MZF1: variants seen among roughly 807,000 people sequenced by gnomAD.
MZF1 encodes the protein myeloid zinc finger 1, also known as zinc finger and SCAN domain-containing protein 6.
In MZF1, 24 loss-of-function variants were observed where a neutral mutation model predicts 28.6. The observed-to-expected ratio is 0.84, with a 90% CI of 0.61 to 1.18. The LOEUF (loss-of-function observed/expected upper bound fraction) is 1.18, where lower values mean the gene tolerates loss of function less well. Ranked by LOEUF, MZF1 falls within the 50% of genes most tolerant of loss-of-function variation. MZF1 has a pLI of 0.00. For missense variants in MZF1, 1,166 were observed against 1,026.4 expected (o/e 1.14, Z -1.86); for synonymous variants, 516 against 432.5 (o/e 1.19, Z -2.40).
intron 5 of MZF1, among the ~76,000 whole-genome samples, chr19:58,566,952 G>A (rs2122710678): frequency 6.6e-6 from 1 of 151,336 alleles, no homozygotes; most frequent in East Asian, 1.9e-4. Context: ...GCCCAGACTG[G>A]TGTGCACTGG....
rs745467813 is a variant in MZF1 at position 58,562,199 on chromosome 19, C to G, written c.2078G>C (p.Arg693Pro). ...GCGCAGATGCTGCGTGAGCGTGGGC[C>G]GCTGGCGGAAGGCCTTGCCACACTC... ...CPECGKAFRQRPTLTQHLRTH... is the reference protein window; with the variant it reads ...CPECGKAFRQPPTLTQHLRTH... Residue 693 changes from arginine (R) to proline (P), a missense_variant, in exon 6 of 6, where the codon CGG becomes CCG. Physicochemically the swap from Arg to Pro is moderately radical, Grantham distance 103 (BLOSUM62 -2). Coordinates refer to ENST00000215057, the MANE Select transcript of MZF1 (RefSeq NM_198055.2). The G allele has an allele frequency of 2.2e-5, 35 of 1,607,872 alleles. No homozygotes were observed. The highest frequency in any genetic ancestry group is 1.0e-5 in the Non-Finnish European group (12 of 1,179,092).
chr19:58,562,940 C>A lies in MZF1; in HGVS notation c.1337G>T (p.Gly446Val). The A allele has an allele frequency of 6.3e-7, 1 of 1,597,660 alleles. No homozygotes were observed. Among genetic ancestry groups the A allele is most frequent in the Non-Finnish European group, 8.5e-7 (1 of 1,177,140 alleles). Residue 446 changes from glycine (G) to valine (V), a missense_variant, in exon 6 of 6, where the codon GGC (glycine) becomes GTC (valine). Coordinates refer to ENST00000215057, the MANE Select transcript of MZF1 (RefSeq NM_198055.2). ...ATTGGAGCGCTGCCGGAAGCTCTGGCCGCACTCAGCGCAACGGAAAGGCTG... is the reference window on the plus strand; with the variant it reads ...ATTGGAGCGCTGCCGGAAGCTCTGGACGCACTCAGCGCAACGGAAAGGCTG... The part of the protein sequence containing the change: ...GEQPFRCAEC[G>V]QSFRQRSNLL...
Position 58,569,331 on chromosome 19 carries a change from T to A in MZF1, c.718A>T (p.Arg240Trp), listed in dbSNP as rs984566104. 3.7e-6 allele frequency: 6 copies of A among 1,613,506 alleles called. No homozygotes were observed. Among genetic ancestry groups the A allele is most frequent in the Admixed American group, 3.3e-5 (2 of 59,948 alleles). Reference protein sequence around the residue: ...SKTGPEGPSWREHPRALWHEE... With the variant: ...SKTGPEGPSWWEHPRALWHEE... ...TGCCACAGGGCCCTGGGGTGCTCCC[T>A]CCATGAGGGACCCTCAGGCCCAGTC... The change falls in exon 5 of 6, where the codon AGG becomes TGG. Residue 240 changes from arginine to tryptophan, a missense_variant. Transcript: ENST00000215057.
In MZF1 at chr19:58,573,308, T is replaced by G. The variant is rs2122748347; in HGVS notation, c.-294A>C. 6.5e-6 allele frequency: 1 copy of G among 152,742 alleles called. No homozygotes were observed. The highest frequency in any genetic ancestry group is 1.5e-5 in the Non-Finnish European group (1 of 68,124). The allele number at this position is 152,742 out of a possible 1,614,324, so 9.5% of individuals were successfully genotyped here. A position where few individuals can be genotyped will look rare whatever the true frequency, so the allele number is the denominator to read the frequency against. On this transcript the variant is annotated 5_prime_UTR_variant, in exon 1 of 6. Coordinates refer to ENST00000215057, the MANE Select transcript of MZF1 (RefSeq NM_198055.2). Reference sequence around the variant, plus strand: ...CCGTGCGTCGGCATGCGCAAGCCTCTCAGGTACAACAGACGGCAGCACCGC... The same window carrying G: ...CCGTGCGTCGGCATGCGCAAGCCTCGCAGGTACAACAGACGGCAGCACCGC...
Position 58,562,262 on chromosome 19 carries a change from C to A in MZF1, c.2015G>T (p.Arg672Leu), listed in dbSNP as rs1201926384. Residue 672 changes from arginine to leucine, a missense_variant, in exon 6 of 6, where the codon CGG (arginine) becomes CTG (leucine). Physicochemically the swap from Arg to Leu is moderately radical, Grantham distance 102. Transcript: ENST00000215057. ...GGGCCGTTCACCCGTGTGGATGCGC[C>A]GGTGCTGGGTGAGGTTGGCGTGCTG... ...FRQHANLTQH[R>L]RIHTGERPYA... The A allele has an allele frequency of 6.2e-7, 1 of 1,603,516 alleles. No individual in the cohort carries two copies. The highest frequency in any genetic ancestry group is 8.5e-7 in the Non-Finnish European group (1 of 1,176,646).
chr19:58,569,558 G>A lies in MZF1; in HGVS notation c.609C>T (p.Ala203=), dbSNP rs756924158. Residue 203 remains alanine, a synonymous_variant, in exon 4 of 6, where the codon GCC becomes GCT. Transcript: ENST00000215057. ...SDFLESGPLA[A]TQESVPTLLP... is the part of the protein sequence containing the mutation. ...GGAGGGTGGGTACAGACTCCTGGGTGGCAGCTAGAGGCCCAGACTCCAGGA... is the reference window on the plus strand; with the variant it reads ...GGAGGGTGGGTACAGACTCCTGGGTAGCAGCTAGAGGCCCAGACTCCAGGA... 1.2e-6 allele frequency: 2 copies of A among 1,606,690 alleles called. No individual in the cohort carries two copies. The highest frequency in any genetic ancestry group is 2.7e-5 in the African/African-American group (2 of 74,668).
Position 58,563,105 on chromosome 19 carries a change from C to T in MZF1, c.1172G>A (p.Arg391His). 6.2e-7 allele frequency: 1 copy of T among 1,605,370 alleles called. No homozygotes were observed. Among genetic ancestry groups the T allele is most frequent in the Non-Finnish European group, 8.5e-7 (1 of 1,179,234 alleles). Reference protein sequence around the residue: ...ERPFVCSECGRSFSRSSHLLR... With the variant: ...ERPFVCSECGHSFSRSSHLLR... Reference sequence around the variant, plus strand: ...CAGGTGCGAGCTGCGGCTGAAGCTGCGGCCGCACTCGCTGCACACGAATGG... The same window carrying T: ...CAGGTGCGAGCTGCGGCTGAAGCTGTGGCCGCACTCGCTGCACACGAATGG... Residue 391 changes from arginine (R) to histidine (H), a missense_variant, in exon 6 of 6, where the codon CGC becomes CAC. Arg to His is a conservative substitution (Grantham distance 29). Coordinates refer to ENST00000215057, the MANE Select transcript of MZF1 (RefSeq NM_198055.2).
Position 58,569,307 on chromosome 19 carries a change from G to A in MZF1, c.742C>T (p.His248Tyr). 1 of 1,609,574 alleles carries A rather than the reference G, an allele frequency of 6.2e-7. No individual in the cohort carries two copies. The highest frequency in any genetic ancestry group is 8.5e-7 in the Non-Finnish European group (1 of 1,178,192). Residue 248 changes from histidine to tyrosine, a missense_variant, in exon 5 of 6, where the codon CAT (histidine) becomes TAT (tyrosine). Transcript: ENST00000215057. Reference sequence around the variant, plus strand: ...GAGAAGATGCCCCCAGCTTCCTCATGCCACAGGGCCCTGGGGTGCTCCCTC... The same window carrying A: ...GAGAAGATGCCCCCAGCTTCCTCATACCACAGGGCCCTGGGGTGCTCCCTC... ...SWREHPRALW[H>Y]EEAGGIFSPG...
At chr19:58,564,280 C>G (rs2053996740) in intron 5 of MZF1, 2 of 152,060 alleles carry the variant, frequency 1.3e-5, no homozygotes, top group Admixed American at 6.5e-5. Flanking sequence ...TAGAATACAT[C>G]AAAGGAAATC....
intron 5 of MZF1, among the ~76,000 whole-genome samples, chr19:58,564,902 G>GTT (rs71190056): frequency 0.011 from 445 of 41,980 alleles, 146 homozygotes; most frequent in East Asian, 0.058. Flanking sequence ...CCATGTGTGT[G>GTT]TTTTTTTTTT....
At chr19:58,572,911 C>T in intron 1 of MZF1, 144 bp downstream of exon 1, 1 of 268,824 alleles carries the variant, frequency 3.7e-6, no homozygotes, top group Admixed American at 4.7e-5. Context: ...AAGCCTCTCG[C>T]TCTAGCCCTG....
rs2053935257 is a variant in MZF1 at position 58,562,088 on chromosome 19, A to G, written c.2189T>C (p.Val730Ala). 6.4e-7 allele frequency: 1 copy of G among 1,566,056 alleles called. No individual in the cohort carries two copies. Among genetic ancestry groups the G allele is most frequent in the Non-Finnish European group, 8.6e-7 (1 of 1,157,292 alleles). The change falls in exon 6 of 6, where the codon GTC (valine) becomes GCC (alanine). Residue 730 changes from valine to alanine, a missense_variant. Val to Ala is a moderately conservative substitution (Grantham distance 64). Coordinates refer to ENST00000215057, the MANE Select transcript of MZF1 (RefSeq NM_198055.2). The stretch of plus-strand genomic sequence containing the variant: ...CGGCTGGAGCTACTCGGCGCTGTGG[A>G]CGCGCTGGTGCTGAATGAGCTTGGT... ...QSTKLIQHQRVHSAE is the reference protein window; with the variant it reads ...QSTKLIQHQRAHSAE
In MZF1 at chr19:58,569,325, G is replaced by A; in HGVS notation, c.724C>T (p.His242Tyr). ...TGPEGPSWRE[H>Y]PRALWHEEAG... ...TCCTCATGCCACAGGGCCCTGGGGT[G>A]CTCCCTCCATGAGGGACCCTCAGGC... The change falls in exon 5 of 6, where the codon CAC (histidine) becomes TAC (tyrosine). Residue 242 changes from histidine (H) to tyrosine (Y), a missense_variant. By Grantham distance (83) the His-to-Tyr change is moderately conservative. Coordinates refer to ENST00000215057, the MANE Select transcript of MZF1 (RefSeq NM_198055.2). 6.2e-7 allele frequency: 1 copy of A among 1,613,434 alleles called. No homozygotes were observed. The highest frequency in any genetic ancestry group is 1.1e-5 in the South Asian group (1 of 91,028).
Position 58,562,693 on chromosome 19 carries a change from C to G in MZF1, c.1584G>C (p.Leu528=). The G allele has an allele frequency of 2.6e-6, 4 of 1,537,444 alleles. No individual in the cohort carries two copies. The highest frequency in any genetic ancestry group is 1.7e-6 in the Non-Finnish European group (2 of 1,147,964). ...CGERFGRRSV[L]LQHRRVHSGE... ...CACTGTGCACGCGCCGGTGCTGCAG[C>G]AGCACTGAGCGGCGGCCGAAGCGCT... is the stretch of plus-strand genomic sequence containing the variant. The change falls in exon 6 of 6, where the codon CTG becomes CTC. Residue 528 remains leucine, a synonymous_variant. Transcript: ENST00000215057.
Position 58,563,303 on chromosome 19 carries a change from C to T in MZF1, c.974G>A (p.Gly325Asp), listed in dbSNP as rs140195199. ...GGTGGTGATCAGAGCAGGGCCCACA[C>T]CCCGGCAGGGATCCTCGTCCGTGGG... is the stretch of plus-strand genomic sequence containing the variant. ...QDPTDEDPCR[G>D]VGPALITTRW... The change falls in exon 6 of 6, where the codon GGT becomes GAT. Residue 325 changes from glycine to aspartate, a missense_variant. Transcript: ENST00000215057. 7 of 1,608,258 alleles carry T rather than the reference C, an allele frequency of 4.4e-6. No homozygotes were observed. The highest frequency in any genetic ancestry group is 5.1e-6 in the Non-Finnish European group (6 of 1,177,922).
At chr19:58,569,455 C>A in intron 4 of MZF1, 58 bp from the exon 5 acceptor site, 1 of 1,613,688 alleles carries the variant, frequency 6.2e-7, no homozygotes. Flanking sequence ...GAGGGACCTA[C>A]CTGACCCCAC....
chr19:58,570,292 T>C, intron 3 of MZF1, 52 bp downstream of exon 3: 1 of 1,528,018 alleles, frequency 6.5e-7, no homozygotes, highest in South Asian at 1.2e-5. Context: ...CAGGCCAGGT[T>C]CCCTGGCCCA....
chr19:58,570,905 G>A lies in MZF1; in HGVS notation c.396+89C>T, dbSNP rs979824634. 88 of 1,397,782 alleles carry A rather than the reference G, an allele frequency of 6.3e-5. No homozygotes were observed. In the Middle Eastern group the frequency reaches 9.3e-4, roughly 15 times the overall value. The allele number at this position is 1,397,782 out of a possible 1,614,324, so 86.6% of individuals were successfully genotyped here. ...CCACTTCTGTACCACAAGGGAGAAC[G>A]TGTGTCTGGCAAAGCGTGGTGCTGC... is the stretch of plus-strand genomic sequence containing the variant. On this transcript the variant is annotated intron_variant, in intron 2 of 5. Coordinates refer to ENST00000215057, the MANE Select transcript of MZF1 (RefSeq NM_198055.2).
Position 58,562,765 on chromosome 19 carries a change from C to G in MZF1, c.1512G>C (p.Gln504His), listed in dbSNP as rs905991229. ...AGGACTTGTCGCCCGTGTGTACCGCCTGGTGCTCCAGCAGCACGGCGCGCC... is the reference window on the plus strand; with the variant it reads ...AGGACTTGTCGCCCGTGTGTACCGCGTGGTGCTCCAGCAGCACGGCGCGCC... ...FARRAVLLEH[Q>H]AVHTGDKSFG... Residue 504 changes from glutamine to histidine, a missense_variant, in exon 6 of 6, where the codon CAG becomes CAC. Physicochemically the swap from Gln to His is conservative, Grantham distance 24. Transcript: ENST00000215057. 1 of 1,535,604 alleles carries G rather than the reference C, an allele frequency of 6.5e-7. No homozygotes were observed. The highest frequency in any genetic ancestry group is 8.7e-7 in the Non-Finnish European group (1 of 1,146,998).
Sources: allele counts gnomAD v4.1 joint callset (sites outside exome capture counted in the v4.1 genomes callset), GRCh38; gene constraint gnomAD v4.1.1; transcripts MANE v1.5; gene names NCBI Gene and HGNC (gene_info 2026-07-23, HGNC 2026-07-21).